The following ENPP2 variants were observed in gnomAD, a reference collection of about 807,000 sequenced individuals.
The protein encoded by ENPP2 is autotaxin.
ENPP2 carries 51 observed loss-of-function variants against 120.2 expected under a neutral mutation model. That is an observed-to-expected ratio of 0.42 (90% CI 0.34 to 0.54). The LOEUF is 0.54. Among genes scored for constraint, ENPP2 ranks in the 20% least tolerant of loss-of-function variants. ENPP2 has a pLI of 0.04. For synonymous variants in ENPP2, 365 were observed against 366.4 expected (o/e 1.00, Z 0.04); for missense variants, 920 against 1,066.5 (o/e 0.86, Z 1.91).
intron 21 of ENPP2, among the ~76,000 whole-genome samples, chr8:119,568,845 C>A (rs146091127): frequency 6.6e-6 from 1 of 152,130 alleles, no homozygotes; most frequent in East Asian, 1.9e-4. Flanking sequence ...GCAACCCTCC[C>A]ATCTTGGCCT....
intron 8 of ENPP2, among the ~76,000 whole-genome samples, 180 bp from the exon 9 acceptor site, chr8:119,608,157 G>A (rs1814852111): frequency 6.6e-6 from 1 of 152,152 alleles, no homozygotes; most frequent in Middle Eastern, 3.2e-3. Flanking sequence ...TTCCACAAAT[G>A]TTATTCAATA....
At chr8:119,579,981 G>C (rs1812617398) in intron 19 of ENPP2, 135 bp downstream of exon 19, 4 of 714,418 alleles carry the variant, frequency 5.6e-6, no homozygotes, top group African/African-American at 1.8e-5. Flanking sequence ...TTGCCAGATA[G>C]GTATGAAAGT....
rs1058906 is a variant in ENPP2 at position 119,621,485 on chromosome 8, T to C, written c.327A>G (p.Gly109=). 1 of 1,613,504 alleles carries C rather than the reference T, an allele frequency of 6.2e-7. No individual in the cohort carries two copies. The highest frequency in any genetic ancestry group is 1.7e-5 in the Admixed American group (1 of 60,012). ...AGGCATTTTCTTCATTTCTGACTTC[T>C]CCACATCTGTCCTTAGTACACTCCC... ...RGWECTKDRC[G]EVRNEENACH... The change falls in exon 4 of 25, where the codon GGA becomes GGG. Residue 109 remains glycine (G), a synonymous_variant. Coordinates refer to ENST00000075322, the MANE Select transcript of ENPP2 (RefSeq NM_001040092.3).
At position 119,561,335 on chromosome 8, in the gene ENPP2, G is replaced by A. The variant is rs144184787; in HGVS notation, c.2421+1522C>T. ...TTTTATTTGTTGACCCACTCTGTGG[G>A]CTGCCTAGGAATAGTGACTCTGTCT... is the stretch of plus-strand genomic sequence containing the variant. On this transcript the variant is annotated intron_variant, in intron 24 of 24. Transcript: ENST00000075322. Among the ~76,000 whole-genome samples, 232 of 152,242 alleles carry A rather than the reference G, an allele frequency of 1.5e-3. 1 individual carries two copies. Among genetic ancestry groups the A allele is most frequent in the African/African-American group, 5.3e-3 (220 of 41,542 alleles).
At chr8:119,586,958 C>T (rs552417935) in intron 14 of ENPP2, 86 bp downstream of exon 14, 106 of 1,151,348 alleles carry the variant, frequency 9.2e-5, no homozygotes, top group East Asian at 8.4e-4. Flanking sequence ...CACCCCTCCC[C>T]GCCGGGGGAG....
intron 13 of ENPP2, among the ~76,000 whole-genome samples, chr8:119,588,528 C>CAA (rs58771451): frequency 2.8e-3 from 189 of 67,482 alleles, no homozygotes; most frequent in Non-Finnish European, 3.7e-3. Flanking sequence ...AACTCCGCCT[C>CAA]AAAAAAAAAA....
intron 1 of ENPP2, among the ~76,000 whole-genome samples, chr8:119,665,022 G>T (rs1587593417): frequency 6.6e-6 from 1 of 152,172 alleles, no homozygotes; most frequent in East Asian, 1.9e-4. Context: ...TCCATGGCTT[G>T]GTAGATGGCC....
intron 5 of ENPP2, chr8:119,618,397 T>C (rs560053775): frequency 1.9e-5 from 9 of 462,724 alleles, no homozygotes; most frequent in African/African-American, 8.0e-5. Flanking sequence ...CAGCCACCTG[T>C]TTGCCTCCCT....
At chr8:119,617,095 T>A in intron 7 of ENPP2, 69 bp downstream of exon 7, 1 of 978,808 alleles carries the variant, frequency 1.0e-6, no homozygotes, top group African/African-American at 1.6e-5. Flanking sequence ...AAAAGTAAAG[T>A]CTCTCCTTTA....
intron 1 of ENPP2, among the ~76,000 whole-genome samples, chr8:119,662,365 A>G (rs191945298): frequency 6.6e-6 from 1 of 152,314 alleles, no homozygotes; most frequent in East Asian, 1.9e-4. Context: ...TATATAAATA[A>G]ATAATTTTAT....
At chr8:119,624,546 T>C (rs1454477602) in intron 3 of ENPP2, among the ~76,000 whole-genome samples, 1 of 152,118 alleles carries the variant, frequency 6.6e-6, no homozygotes, top group African/African-American at 2.4e-5. Flanking sequence ...TTAAGGAGAA[T>C]AGGCAAAAGT....
intron 4 of ENPP2, among the ~76,000 whole-genome samples, chr8:119,619,843 A>G (rs2130729911): frequency 6.6e-6 from 1 of 152,318 alleles, no homozygotes; most frequent in East Asian, 1.9e-4. Context: ...TTCACTTTTT[A>G]TCTTCCACCA....
chr8:119,618,061 A>G, intron 5 of ENPP2: 1 of 258,536 alleles, frequency 3.9e-6, no homozygotes, highest in Non-Finnish European at 7.6e-6. Context: ...TCAGTCATTC[A>G]TTATCTGAAT....
At chr8:119,577,280 T>C (rs1042008822) in intron 19 of ENPP2, among the ~76,000 whole-genome samples, 1 of 152,204 alleles carries the variant, frequency 6.6e-6, no homozygotes, top group Non-Finnish European at 1.5e-5. Flanking sequence ...TATTCAAAGG[T>C]ACCTAGAAAG....
intron 12 of ENPP2, among the ~76,000 whole-genome samples, chr8:119,591,778 C>A (rs1349389185): frequency 6.6e-6 from 1 of 152,122 alleles, no homozygotes; most frequent in East Asian, 1.9e-4. Flanking sequence ...GATTATATAT[C>A]TTGCACTTTA....
chr8:119,604,929 A>C (rs1814591268), intron 9 of ENPP2, among the ~76,000 whole-genome samples: 1 of 151,666 alleles, frequency 6.6e-6, no homozygotes, highest in Non-Finnish European at 1.5e-5. Context: ...GCCCACCACC[A>C]CGCCTGGCTA....
At chr8:119,568,587 G>A (rs568934567) in intron 21 of ENPP2, among the ~76,000 whole-genome samples, 1 of 151,934 alleles carries the variant, frequency 6.6e-6, no homozygotes, top group Non-Finnish European at 1.5e-5. Context: ...GGTAATGAGA[G>A]ATGGTTTAAG....
At position 119,607,960 on chromosome 8, in the gene ENPP2, G is replaced by T. The variant is rs1232851845; in HGVS notation, c.795C>A (p.Thr265=). 3 of 1,610,244 alleles carry T rather than the reference G, an allele frequency of 1.9e-6. No homozygotes were observed. In the Admixed American group the frequency reaches 5.0e-5, roughly 27 times the overall value. The stretch of plus-strand genomic sequence containing the variant: ...ATGTTCCAGCTTTCACCCCTTGCTT[G>T]GTGGCTGTAATCCATAGCTAATGAG... The part of the protein sequence containing the change: ...WGGQPLWITA[T]KQGVKAGTFF... Residue 265 remains threonine (T), a synonymous_variant, in exon 9 of 25, where the codon ACC becomes ACA. Coordinates refer to ENST00000075322, the MANE Select transcript of ENPP2 (RefSeq NM_001040092.3).
At chr8:119,601,521 T>G in intron 9 of ENPP2, 59 bp from the exon 10 acceptor site, 1 of 1,298,984 alleles carries the variant, frequency 7.7e-7, no homozygotes, top group Non-Finnish European at 1.1e-6. Context: ...AACTCAAGCC[T>G]GAGGAGTGCT....
Sources: allele counts gnomAD v4.1 joint callset (sites outside exome capture counted in the v4.1 genomes callset), GRCh38; gene constraint gnomAD v4.1.1; transcripts MANE v1.5; gene names NCBI Gene and HGNC (gene_info 2026-07-23, HGNC 2026-07-21).